ELMO1: variants seen among roughly 807,000 people sequenced by gnomAD.
ELMO1 encodes engulfment and cell motility protein 1.
Under a neutral mutation model 98.9 loss-of-function variants are expected in ELMO1, and 26 were observed. That is an observed-to-expected ratio of 0.26 (90% CI 0.19 to 0.36). The LOEUF is 0.36. Ranked by LOEUF, ELMO1 falls within the 10% of genes least tolerant of loss-of-function variation. ELMO1 has a pLI of 1.00. For missense variants in ELMO1, 627 were observed against 935.2 expected, an observed-to-expected ratio of 0.67 and a Z score of 4.30; for synonymous variants, 346 against 346.0, an observed-to-expected ratio of 1.00 and a Z score of 0.00.
At chr7:36,866,595 T>A (rs770036547) in intron 20 of ELMO1, among the ~76,000 whole-genome samples, 7 of 152,210 alleles carry the variant, frequency 4.6e-5, no homozygotes, top group Non-Finnish European at 1.0e-4. Flanking sequence ...GAGAGGATGA[T>A]CAGTTATCAA....
intron 16 of ELMO1, among the ~76,000 whole-genome samples, chr7:36,944,836 A>G (rs755604745): frequency 1.3e-5 from 2 of 152,236 alleles, no homozygotes; most frequent in African/African-American, 4.8e-5. Context: ...CCAAAGCTCT[A>G]AAACACTAGT....
intron 13 of ELMO1, among the ~76,000 whole-genome samples, chr7:37,145,811 T>C (rs1283001560): frequency 1.3e-5 from 2 of 152,170 alleles, no homozygotes; most frequent in African/African-American, 4.8e-5. Context: ...ACAAATCACA[T>C]TGAGTGAATA....
At chr7:37,398,712 A>T (rs1803400930) in intron 1 of ELMO1, among the ~76,000 whole-genome samples, 1 of 152,152 alleles carries the variant, frequency 6.6e-6, no homozygotes, top group Admixed American at 6.5e-5. Context: ...ACCAACACCC[A>T]TTAATTCCTC....
At chr7:37,093,189 A>T (rs1346504069) in intron 15 of ELMO1, among the ~76,000 whole-genome samples, 5 of 151,100 alleles carry the variant, frequency 3.3e-5, no homozygotes, top group African/African-American at 7.3e-5. Flanking sequence ...TTTTTTTTTT[A>T]AAGCAACCTT....
At chr7:37,375,943 G>A (rs1802322557) in intron 1 of ELMO1, 1 of 627,084 alleles carries the variant, frequency 1.6e-6, no homozygotes, top group Admixed American at 2.2e-5. Flanking sequence ...CAACAAGAAA[G>A]TAGAGGCTGG....
chr7:36,905,110 C>T (rs146393329), intron 16 of ELMO1, among the ~76,000 whole-genome samples: 3 of 152,162 alleles, frequency 2.0e-5, no homozygotes, highest in Non-Finnish European at 4.4e-5. Flanking sequence ...GGGGGAAAAG[C>T]AGAAAGAAAT....
intron 11 of ELMO1, among the ~76,000 whole-genome samples, chr7:37,215,770 G>A (rs1044929517): frequency 2.6e-5 from 4 of 152,154 alleles, no homozygotes; most frequent in Non-Finnish European, 5.9e-5. Flanking sequence ...AGCTTCCCCT[G>A]CCCCGACAAT....
At chr7:37,169,353 T>C (rs1789985824) in intron 13 of ELMO1, among the ~76,000 whole-genome samples, 1 of 152,202 alleles carries the variant, frequency 6.6e-6, no homozygotes, top group Non-Finnish European at 1.5e-5. Flanking sequence ...CCCAATGACC[T>C]GCGCCCACTG....
At chr7:36,988,587 C>T (rs1791667590) in intron 16 of ELMO1, among the ~76,000 whole-genome samples, 1 of 152,090 alleles carries the variant, frequency 6.6e-6, no homozygotes, top group South Asian at 2.1e-4. Flanking sequence ...GTTCTCTTAG[C>T]ACAAATAATC....
intron 15 of ELMO1, among the ~76,000 whole-genome samples, chr7:37,016,417 T>C (rs543073879): frequency 1.9e-4 from 29 of 152,314 alleles, no homozygotes; most frequent in African/African-American, 4.1e-4. Flanking sequence ...GAGCTTTTTT[T>C]AGTTGGCCCC....
At chr7:37,163,144 A>G (rs1302209963) in intron 13 of ELMO1, among the ~76,000 whole-genome samples, 4 of 152,154 alleles carry the variant, frequency 2.6e-5, no homozygotes, top group Non-Finnish European at 4.4e-5. Context: ...ACAAATACAG[A>G]TATCTTTCCA....
At chr7:37,404,757 A>G (rs1470056614) in intron 1 of ELMO1, among the ~76,000 whole-genome samples, 1 of 152,138 alleles carries the variant, frequency 6.6e-6, no homozygotes, top group Non-Finnish European at 1.5e-5. Context: ...CTTTTTTTCC[A>G]TAGTTTTCTT....
intron 16 of ELMO1, among the ~76,000 whole-genome samples, chr7:36,946,428 T>C (rs1227858846): frequency 6.6e-6 from 1 of 152,222 alleles, no homozygotes; most frequent in African/African-American, 2.4e-5. Context: ...CCTCATGCTA[T>C]GCTATGAAGA....
intron 1 of ELMO1, among the ~76,000 whole-genome samples, chr7:37,416,483 C>T (rs1804219338): frequency 6.6e-6 from 1 of 152,192 alleles, no homozygotes; most frequent in Non-Finnish European, 1.5e-5. Context: ...ATGGCCACCT[C>T]ACCCAGAGGA....
intron 1 of ELMO1, among the ~76,000 whole-genome samples, chr7:37,439,346 T>C (rs1020004884): frequency 1.3e-5 from 2 of 152,248 alleles, no homozygotes; most frequent in African/African-American, 4.8e-5. Context: ...ATCATATTCT[T>C]TCTCTTAATA....
At chr7:37,164,441 G>A (rs1024401679) in intron 13 of ELMO1, among the ~76,000 whole-genome samples, 102 of 152,188 alleles carry the variant, frequency 6.7e-4, no homozygotes, top group African/African-American at 2.4e-3. Context: ...GTAATGCCTA[G>A]GTTTTCTTCT....
At chr7:36,986,254 T>A in intron 16 of ELMO1, 6 of 985,466 alleles carry the variant, frequency 6.1e-6, no homozygotes, top group Non-Finnish European at 7.2e-6. Flanking sequence ...GGGAAACTCC[T>A]GCTCATTTAT....
At chr7:36,869,778 T>C (rs1214343670) in intron 20 of ELMO1, among the ~76,000 whole-genome samples, 1 of 152,204 alleles carries the variant, frequency 6.6e-6, no homozygotes, top group Non-Finnish European at 1.5e-5. Context: ...GTTGGTAAAC[T>C]AGGAGGGGAT....
At chr7:37,225,101 T>C in intron 8 of ELMO1, 71 bp from the exon 9 acceptor site, 5 of 1,579,176 alleles carry the variant, frequency 3.2e-6, no homozygotes, top group Non-Finnish European at 4.3e-6. Context: ...AGGGAACAAA[T>C]GAATCAAATC....
Sources: gnomAD v4.1 joint callset for allele counts (sites outside exome capture counted in the v4.1 genomes callset) on GRCh38, gnomAD v4.1.1 for gene constraint, MANE v1.5 for transcripts, NCBI Gene and HGNC (gene_info 2026-07-23, HGNC 2026-07-21) for gene names.